RBFOX1: variants seen among roughly 807,000 people sequenced by gnomAD.
RBFOX1 encodes the protein RNA binding fox-1 homolog 1.
Under a neutral mutation model 57.7 loss-of-function variants are expected in RBFOX1, and 8 were observed. That is an observed-to-expected ratio of 0.14 (90% CI 0.08 to 0.25). RBFOX1 has a LOEUF of 0.25. RBFOX1 is among the 10% of genes least tolerant of loss of function. The probability of loss-of-function intolerance (pLI) is 1.00; values close to 1 mark genes in which losing one functional copy is unlikely to be tolerated. For synonymous variants in RBFOX1, 326 were observed against 222.4 expected (o/e 1.47, Z -4.15); for missense variants, 611 against 548.5 (o/e 1.11, Z -1.14).
intron 4 of RBFOX1, among the ~76,000 whole-genome samples, chr16:7,376,446 G>C (rs1026473633): frequency 2.0e-5 from 3 of 152,212 alleles, no homozygotes; most frequent in African/African-American, 7.2e-5. Context: ...AACAGGTTAA[G>C]TGATTTTTGC....
intron 2 of RBFOX1, among the ~76,000 whole-genome samples, chr16:6,497,472 G>C (rs1052182398): frequency 6.6e-6 from 1 of 151,838 alleles, no homozygotes; most frequent in Non-Finnish European, 1.5e-5. Context: ...GTGAACTCTA[G>C]AAGAACAGCT....
intron 1 of RBFOX1, among the ~76,000 whole-genome samples, chr16:6,213,796 T>C (rs1462898550): frequency 6.6e-6 from 1 of 152,206 alleles, no homozygotes; most frequent in Non-Finnish European, 1.5e-5. Flanking sequence ...AGTCTCTCAC[T>C]CTAAGCCAGG....
intron 3 of RBFOX1, among the ~76,000 whole-genome samples, chr16:6,796,460 A>G (rs1480821849): frequency 1.3e-5 from 2 of 152,150 alleles, no homozygotes; most frequent in Non-Finnish European, 2.9e-5. Context: ...CTGCCAAATC[A>G]ACACTCTTCC....
chr16:6,119,032 C>G (rs906291136), intron 1 of RBFOX1, among the ~76,000 whole-genome samples: 3 of 129,388 alleles, frequency 2.3e-5, no homozygotes, highest in South Asian at 5.0e-4. Context: ...TTTTTTTGAT[C>G]TTTCATGACT....
chr16:6,752,834 A>T (rs1305970321), intron 3 of RBFOX1, among the ~76,000 whole-genome samples: 4 of 147,206 alleles, frequency 2.7e-5, no homozygotes, highest in Non-Finnish European at 6.0e-5. Context: ...TTTTTTTAGC[A>T]GGGTTCTGTG....
intron 3 of RBFOX1, among the ~76,000 whole-genome samples, chr16:6,669,208 G>T (rs1420540389): frequency 1.3e-5 from 2 of 152,140 alleles, no homozygotes; most frequent in Non-Finnish European, 2.9e-5. Context: ...AATTTGTGAT[G>T]GAACGTGATG....
chr16:7,127,957 G>T (rs2069051104), intron 4 of RBFOX1, among the ~76,000 whole-genome samples: 1 of 152,178 alleles, frequency 6.6e-6, no homozygotes, highest in Non-Finnish European at 1.5e-5. Flanking sequence ...AACTGCAAAG[G>T]TCCGAAAGAG....
At chr16:5,462,257 C>G (rs1178811903) in intron 1 of RBFOX1, among the ~76,000 whole-genome samples, 1 of 151,460 alleles carries the variant, frequency 6.6e-6, no homozygotes, top group Admixed American at 6.6e-5. Context: ...CAAGCTCCGC[C>G]TCCCGGGTTC....
chr16:7,277,857 T>G (rs760813793), intron 4 of RBFOX1, among the ~76,000 whole-genome samples: 1 of 152,074 alleles, frequency 6.6e-6, no homozygotes, highest in Non-Finnish European at 1.5e-5. Context: ...GAGAACACTT[T>G]GCAGCTCTTC....
chr16:6,265,096 C>G (rs2074308162), intron 1 of RBFOX1, among the ~76,000 whole-genome samples: 1 of 152,130 alleles, frequency 6.6e-6, no homozygotes, highest in Non-Finnish European at 1.5e-5. Context: ...ACAAGCCATT[C>G]AACAACCATA....
At chr16:5,652,995 A>G (rs1040289503) in intron 3 of RBFOX1, among the ~76,000 whole-genome samples, 6 of 151,924 alleles carry the variant, frequency 3.9e-5, no homozygotes, top group Non-Finnish European at 8.8e-5. Context: ...GCTGCTGTGC[A>G]GAAGGTGGGG....
intron 4 of RBFOX1, among the ~76,000 whole-genome samples, chr16:7,208,832 G>T (rs1048985275): frequency 1.3e-5 from 2 of 152,070 alleles, no homozygotes; most frequent in African/African-American, 4.8e-5. Context: ...GTGAGATTCT[G>T]TGTCTGTAAG....
chr16:7,285,016 G>C (rs975194197), intron 4 of RBFOX1, among the ~76,000 whole-genome samples: 12 of 137,546 alleles, frequency 8.7e-5, no homozygotes, highest in African/African-American at 3.2e-4. Flanking sequence ...CGCCTCTTCA[G>C]AAAAGCCTTC....
At chr16:5,727,245 C>G (rs1255708255) in intron 3 of RBFOX1, among the ~76,000 whole-genome samples, 1 of 144,826 alleles carries the variant, frequency 6.9e-6, no homozygotes, top group Non-Finnish European at 1.5e-5. Flanking sequence ...GCACTCCAGC[C>G]TGGGCAACAG....
chr16:7,205,165 T>C (rs893929565), intron 4 of RBFOX1, among the ~76,000 whole-genome samples: 1 of 151,684 alleles, frequency 6.6e-6, no homozygotes, highest in African/African-American at 2.4e-5. Context: ...CCAAGAAAAA[T>C]AGTGAGAGAG....
At chr16:5,300,200 T>A (rs1274654104) in intron 1 of RBFOX1, among the ~76,000 whole-genome samples, 1 of 152,246 alleles carries the variant, frequency 6.6e-6, no homozygotes, top group Non-Finnish European at 1.5e-5. Flanking sequence ...TAGATTTGAT[T>A]TGCAAATATT....
intron 1 of RBFOX1, among the ~76,000 whole-genome samples, chr16:6,256,687 G>C: frequency 6.6e-6 from 1 of 152,032 alleles, no homozygotes; most frequent in Admixed American, 6.6e-5. Flanking sequence ...GTGCATTTTA[G>C]GACACTTCGT....
intron 3 of RBFOX1, among the ~76,000 whole-genome samples, chr16:6,933,150 G>C (rs185048047): frequency 6.6e-6 from 1 of 152,254 alleles, no homozygotes; most frequent in African/African-American, 2.4e-5. Flanking sequence ...TTCATCTGTA[G>C]ACGCTTGGGT....
At chr16:6,754,716 T>A (rs894216219) in intron 3 of RBFOX1, among the ~76,000 whole-genome samples, 2 of 152,100 alleles carry the variant, frequency 1.3e-5, no homozygotes, top group Non-Finnish European at 1.5e-5. Context: ...TTTTTTTTAT[T>A]ATTATAGTTT....
Sources: allele counts gnomAD v4.1 joint callset (sites outside exome capture counted in the v4.1 genomes callset), GRCh38; gene constraint gnomAD v4.1.1; transcripts MANE v1.5; gene names NCBI Gene and HGNC (gene_info 2026-07-23, HGNC 2026-07-21).